PRKCB: variants seen among roughly 807,000 people sequenced by gnomAD.
PRKCB encodes the protein protein kinase C beta, also known as protein kinase C beta type.
In PRKCB, 13 loss-of-function variants were observed where a neutral mutation model predicts 81.5. The ratio of observed to expected loss-of-function variants is 0.16; its 90% CI spans 0.10 to 0.25. The LOEUF (loss-of-function observed/expected upper bound fraction) is 0.25. Ranked by LOEUF, PRKCB falls within the 10% of genes least tolerant of loss-of-function variation. PRKCB has a pLI of 1.00. For synonymous variants in PRKCB, 335 were observed against 321.4 expected (o/e 1.04, Z -0.45); for missense variants, 509 against 875.7 (o/e 0.58, Z 5.29).
At chr16:24,134,605 C>T (rs1433196609) in intron 9 of PRKCB, among the ~76,000 whole-genome samples, 3 of 152,024 alleles carry the variant, frequency 2.0e-5, no homozygotes, top group Non-Finnish European at 2.9e-5. Flanking sequence ...AAAAATTAGC[C>T]GGGCGTGGTG....
chr16:24,077,359 C>T (rs1966191216), intron 5 of PRKCB, among the ~76,000 whole-genome samples: 1 of 152,018 alleles, frequency 6.6e-6, no homozygotes, highest in Admixed American at 6.6e-5. Context: ...CTCATTGACC[C>T]ACCTAACCCA....
chr16:23,987,297 C>T (rs905343613), intron 2 of PRKCB, among the ~76,000 whole-genome samples: 1 of 151,342 alleles, frequency 6.6e-6, no homozygotes, highest in African/African-American at 2.4e-5. Flanking sequence ...ATACGTTTCT[C>T]GTCCTATTTT....
chr16:23,900,843 A>G (rs542183798), intron 2 of PRKCB, among the ~76,000 whole-genome samples: 38 of 145,034 alleles, frequency 2.6e-4, no homozygotes, highest in Non-Finnish European at 4.6e-4. Context: ...CCTTGTACCT[A>G]ACTGTGGACA....
At chr16:23,982,896 C>A (rs906165668) in intron 2 of PRKCB, among the ~76,000 whole-genome samples, 4 of 152,112 alleles carry the variant, frequency 2.6e-5, no homozygotes, top group Non-Finnish European at 5.9e-5. Flanking sequence ...GCTCACCTGG[C>A]CCCTAGGCAT....
intron 9 of PRKCB, among the ~76,000 whole-genome samples, chr16:24,152,242 C>A: frequency 6.6e-6 from 1 of 152,118 alleles, no homozygotes; most frequent in East Asian, 1.9e-4. Flanking sequence ...AGAATGAGAG[C>A]TAAGCGAAAG....
intron 5 of PRKCB, among the ~76,000 whole-genome samples, chr16:24,035,874 C>CT (rs1281952050): frequency 6.6e-6 from 1 of 152,188 alleles, no homozygotes; most frequent in Non-Finnish European, 1.5e-5. Flanking sequence ...ATTTCCCACT[C>CT]TTTTTTAGTA....
intron 3 of PRKCB, among the ~76,000 whole-genome samples, chr16:24,028,859 C>T (rs968462418): frequency 2.0e-5 from 3 of 151,946 alleles, no homozygotes; most frequent in Admixed American, 6.5e-5. Flanking sequence ...AGCACGATCT[C>T]GGCTCACTGC....
At chr16:24,078,256 A>G (rs1966204898) in intron 5 of PRKCB, among the ~76,000 whole-genome samples, 1 of 152,174 alleles carries the variant, frequency 6.6e-6, no homozygotes, top group Non-Finnish European at 1.5e-5. Context: ...GGGGCTGTTG[A>G]GCACCTCCTG....
At chr16:24,087,096 G>A (rs1277384218) in intron 5 of PRKCB, among the ~76,000 whole-genome samples, 1 of 152,044 alleles carries the variant, frequency 6.6e-6, no homozygotes, top group Non-Finnish European at 1.5e-5. Flanking sequence ...TGGGGTCATG[G>A]TTTCCACTTA....
intron 5 of PRKCB, among the ~76,000 whole-genome samples, chr16:24,073,634 C>A (rs1374736046): frequency 6.6e-6 from 1 of 152,166 alleles, no homozygotes; most frequent in East Asian, 1.9e-4. Context: ...TGCGCCTGGC[C>A]GGTTTTTTAA....
chr16:23,843,232 G>A (rs1241872873), intron 2 of PRKCB, among the ~76,000 whole-genome samples: 1 of 152,026 alleles, frequency 6.6e-6, no homozygotes, highest in Non-Finnish European at 1.5e-5. Flanking sequence ...TCATAAAGAG[G>A]TCCATTTTTT....
chr16:23,989,861 A>C (rs7194577), intron 3 of PRKCB, among the ~76,000 whole-genome samples: 88,868 of 151,964 alleles, frequency 0.58, 26,271 homozygotes, highest in South Asian at 0.79. Context: ...TAGCTGCTGA[A>C]TGAGGATGTG....
intron 5 of PRKCB, among the ~76,000 whole-genome samples, chr16:24,043,905 T>G (rs953909839): frequency 1.3e-5 from 2 of 152,186 alleles, no homozygotes; most frequent in African/African-American, 4.8e-5. Flanking sequence ...TCTCACGTTT[T>G]CCTTTAGGGA....
At chr16:24,038,631 A>G (rs1409867785) in intron 5 of PRKCB, among the ~76,000 whole-genome samples, 1 of 152,236 alleles carries the variant, frequency 6.6e-6, no homozygotes, top group Non-Finnish European at 1.5e-5. Context: ...GATGGATGAT[A>G]GAAGAGAGCC....
chr16:24,074,855 C>T (rs977371560), intron 5 of PRKCB, among the ~76,000 whole-genome samples: 1 of 152,164 alleles, frequency 6.6e-6, no homozygotes, highest in African/African-American at 2.4e-5. Context: ...GGCCTGGTGG[C>T]TCACACCTGT....
chr16:24,125,666 A>G (rs1404000030), intron 9 of PRKCB, among the ~76,000 whole-genome samples: 4 of 152,084 alleles, frequency 2.6e-5, no homozygotes, highest in Admixed American at 2.0e-4. Flanking sequence ...TCTAAGCTCC[A>G]CAAGAGTAGG....
intron 3 of PRKCB, among the ~76,000 whole-genome samples, chr16:24,025,798 TGG>T (rs1270692174): frequency 2.0e-5 from 3 of 152,122 alleles, no homozygotes; most frequent in African/African-American, 7.2e-5. Flanking sequence ...GGAGTAAAGT[TGG>T]GAGTGAGGAG....
intron 2 of PRKCB, among the ~76,000 whole-genome samples, chr16:23,897,967 C>T (rs767996829): frequency 7.9e-5 from 12 of 152,072 alleles, no homozygotes; most frequent in African/African-American, 2.2e-4. Flanking sequence ...GGCGTGATCT[C>T]GGCTCACTGC....
At chr16:24,066,208 C>T (rs1415822105) in intron 5 of PRKCB, among the ~76,000 whole-genome samples, 1 of 151,278 alleles carries the variant, frequency 6.6e-6, no homozygotes, top group Non-Finnish European at 1.5e-5. Context: ...CTGCCCTATC[C>T]TTTTCTCTCC....
Sources: gnomAD v4.1 joint callset for allele counts (sites outside exome capture counted in the v4.1 genomes callset) on GRCh38, gnomAD v4.1.1 for gene constraint, MANE v1.5 for transcripts, NCBI Gene and HGNC (gene_info 2026-07-23, HGNC 2026-07-21) for gene names.